SCLT1: variants seen among roughly 807,000 people sequenced by gnomAD.
SCLT1 encodes sodium channel-associated protein 1.
In SCLT1, 78 loss-of-function variants were observed where a neutral mutation model predicts 112.8. The observed-to-expected ratio is 0.69, with a 90% confidence interval of 0.58 to 0.83. The LOEUF is 0.83. SCLT1 is among the 40% of genes least tolerant of loss of function. SCLT1 has a pLI of 0.00. For synonymous variants in SCLT1, 257 were observed against 254.7 expected (o/e 1.01, Z -0.09); for missense variants, 747 against 770.4 (o/e 0.97, Z 0.36).
chr4:128,915,414 T>A (rs558724497), intron 18 of SCLT1, among the ~76,000 whole-genome samples: 1 of 152,344 alleles, frequency 6.6e-6, no homozygotes, highest in South Asian at 2.1e-4. Context: ...ACCCAATTAA[T>A]CCTAGTGCTT....
At chr4:128,914,084 T>C (rs1735292289) in intron 18 of SCLT1, among the ~76,000 whole-genome samples, 1 of 152,020 alleles carries the variant, frequency 6.6e-6, no homozygotes, top group South Asian at 2.1e-4. Flanking sequence ...CTAGTAATAT[T>C]GCCGGGCGCG....
chr4:129,037,053 A>AT (rs1747240694), intron 5 of SCLT1: 2 of 151,954 alleles, frequency 1.3e-5, no homozygotes, highest in Admixed American at 1.3e-4. Flanking sequence ...AGTAGCAAAT[A>AT]TAAGAGAAGA....
intron 18 of SCLT1, among the ~76,000 whole-genome samples, chr4:128,912,133 G>A (rs1451521724): frequency 6.6e-6 from 1 of 152,148 alleles, no homozygotes; most frequent in Non-Finnish European, 1.5e-5. Context: ...TCATTACACG[G>A]AGAGTCAAAT....
chr4:128,983,647 T>G (rs1741858220), intron 9 of SCLT1, among the ~76,000 whole-genome samples: 1 of 152,180 alleles, frequency 6.6e-6, no homozygotes, highest in Admixed American at 6.5e-5. Context: ...ATCAGGTGAA[T>G]GAAGGTTCTT....
exon 4 of SCLT1, chr4:128,876,550 C>T (rs2125914032): frequency 6.6e-6 from 1 of 152,316 alleles, no homozygotes; most frequent in Non-Finnish European, 1.5e-5. Context: ...CAATTAACTT[C>T]AAGGTTGAAA....
chr4:128,977,972 T>C (rs182437066), intron 9 of SCLT1, among the ~76,000 whole-genome samples: 117 of 152,128 alleles, frequency 7.7e-4, no homozygotes, highest in Non-Finnish European at 1.4e-3. Flanking sequence ...GTAGAGGTGA[T>C]ATGGATGATG....
At chr4:129,028,302 C>A (rs1355143604) in intron 5 of SCLT1, among the ~76,000 whole-genome samples, 1 of 151,120 alleles carries the variant, frequency 6.6e-6, no homozygotes, top group Non-Finnish European at 1.5e-5. Context: ...GTAACCAAAA[C>A]AGCATGGTAC....
intron 18 of SCLT1, among the ~76,000 whole-genome samples, chr4:128,895,844 C>T (rs1031193877): frequency 6.6e-6 from 1 of 152,196 alleles, no homozygotes; most frequent in African/African-American, 2.4e-5. Flanking sequence ...ACCCTTAATA[C>T]TGCGCTTTTC....
chr4:128,923,414 C>A (rs751968419), intron 18 of SCLT1, among the ~76,000 whole-genome samples: 1 of 129,978 alleles, frequency 7.7e-6, no homozygotes, highest in Non-Finnish European at 1.5e-5. Flanking sequence ...CACTGCACTC[C>A]AGCCTGGGTG....
chr4:128,970,660 T>C (rs1740615895), intron 9 of SCLT1, 192 bp from the exon 10 acceptor site: 1 of 531,564 alleles, frequency 1.9e-6, no homozygotes, highest in Non-Finnish European at 3.3e-6. Flanking sequence ...GGAAAAAATA[T>C]AGCTGAATGG....
At chr4:128,923,495 G>C (rs1736041971) in intron 18 of SCLT1, among the ~76,000 whole-genome samples, 3 of 140,800 alleles carry the variant, frequency 2.1e-5, no homozygotes, top group African/African-American at 7.9e-5. Context: ...GCCCTAAAAA[G>C]TTCCCTCTTC....
At chr4:129,023,820 G>A (rs1409183209) in intron 5 of SCLT1, among the ~76,000 whole-genome samples, 3 of 152,152 alleles carry the variant, frequency 2.0e-5, no homozygotes, top group East Asian at 1.9e-4. Flanking sequence ...CTGGAAAATC[G>A]GGTCACTCCC....
At chr4:129,051,765 G>T (rs1748816475) in intron 2 of SCLT1, among the ~76,000 whole-genome samples, 1 of 152,100 alleles carries the variant, frequency 6.6e-6, no homozygotes, top group Admixed American at 6.5e-5. Context: ...ATACTATGTT[G>T]AATAGGAGTG....
intron 10 of SCLT1, 91 bp from the exon 11 acceptor site, chr4:128,965,409 A>G: frequency 1.3e-6 from 1 of 793,522 alleles, no homozygotes; most frequent in Non-Finnish European, 2.2e-6. Flanking sequence ...CATGCTATAA[A>G]GTTATTATGC....
chr4:129,012,153 T>C (rs541613465), intron 5 of SCLT1, among the ~76,000 whole-genome samples: 1 of 152,300 alleles, frequency 6.6e-6, no homozygotes, highest in South Asian at 2.1e-4. Flanking sequence ...TTTCTAACTT[T>C]TTGATGTGAG....
intron 18 of SCLT1, among the ~76,000 whole-genome samples, chr4:128,912,752 T>G (rs1735201898): frequency 6.6e-6 from 1 of 152,016 alleles, no homozygotes; most frequent in Admixed American, 6.6e-5. Context: ...TCTTTGTATA[T>G]ATATATAAAT....
intron 18 of SCLT1, among the ~76,000 whole-genome samples, chr4:128,909,736 T>G (rs1734949107): frequency 6.6e-6 from 1 of 152,192 alleles, no homozygotes; most frequent in Non-Finnish European, 1.5e-5. Flanking sequence ...ATATGTAGAC[T>G]AGGAATATGT....
At chr4:129,032,779 T>C (rs574937313) in intron 5 of SCLT1, among the ~76,000 whole-genome samples, 2 of 151,590 alleles carry the variant, frequency 1.3e-5, no homozygotes, top group East Asian at 3.9e-4. Flanking sequence ...AGAACTACAA[T>C]GAGATACCAC....
At chr4:129,025,889 G>A (rs1579751217) in intron 5 of SCLT1, among the ~76,000 whole-genome samples, 1 of 151,676 alleles carries the variant, frequency 6.6e-6, no homozygotes, top group Non-Finnish European at 1.5e-5. Context: ...AAAAAGGCAG[G>A]GCTTGCAATC....
Sources: allele counts gnomAD v4.1 joint callset (sites outside exome capture counted in the v4.1 genomes callset), GRCh38; gene constraint gnomAD v4.1.1; transcripts MANE v1.5; gene names NCBI Gene and HGNC (gene_info 2026-07-23, HGNC 2026-07-21).